SEC24B: variants seen among roughly 807,000 people sequenced by gnomAD.
SEC24B encodes the protein SEC24 homolog B, COPII component.
SEC24B carries 45 observed loss-of-function variants against 142.8 expected under a neutral mutation model. The observed-to-expected ratio is 0.32, with a 90% CI of 0.25 to 0.40. The LOEUF (loss-of-function observed/expected upper bound fraction) is 0.40, where lower values mean the gene tolerates loss of function less well. Ranked by LOEUF, SEC24B falls within the 10% of genes least tolerant of loss-of-function variation. The pLI, the probability that SEC24B is intolerant of heterozygous loss-of-function variation, is 1.00. For missense variants in SEC24B, 1,409 were observed against 1,526.8 expected, an observed-to-expected ratio of 0.92 and a Z score of 1.29; for synonymous variants, 574 against 568.2, an observed-to-expected ratio of 1.01 and a Z score of -0.15.
chr4:109,498,910 A>G (rs990580083), intron 6 of SEC24B, among the ~76,000 whole-genome samples: 1 of 152,188 alleles, frequency 6.6e-6, no homozygotes, highest in African/African-American at 2.4e-5. Flanking sequence ...TAGGGTGGAA[A>G]AACAGGGAAA....
intron 2 of SEC24B, among the ~76,000 whole-genome samples, chr4:109,471,665 C>T (rs949390984): frequency 2.0e-5 from 3 of 151,912 alleles, no homozygotes; most frequent in East Asian, 1.9e-4. Flanking sequence ...TGGAGGTTTG[C>T]GGGACTAGAA....
chr4:109,473,020 C>G lies in SEC24B; in HGVS notation c.894C>G (p.Ser298=). ...TCTCTTCAGTTGCAGATTCTTTATC[C>G]TGTCCTGTTATGCAAAATGTTCAGC... ...NPTITVADSL[S]CPVMQNVQPP... Residue 298 remains serine (S), a synonymous_variant, in exon 3 of 24, where the codon TCC becomes TCG. Coordinates refer to ENST00000265175, the MANE Select transcript of SEC24B (RefSeq NM_006323.5). The G allele has an allele frequency of 6.4e-7, 1 of 1,556,100 alleles. No homozygotes were observed. The highest frequency in any genetic ancestry group is 8.7e-7 in the Non-Finnish European group (1 of 1,154,216).
intron 6 of SEC24B, among the ~76,000 whole-genome samples, chr4:109,506,071 G>A (rs1436740381): frequency 1.3e-5 from 2 of 152,078 alleles, no homozygotes; most frequent in African/African-American, 4.8e-5. Context: ...TGTATTCAGG[G>A]AAACCAAATT....
At chr4:109,515,977 G>A (rs1311876314) in intron 10 of SEC24B, among the ~76,000 whole-genome samples, 1 of 151,920 alleles carries the variant, frequency 6.6e-6, no homozygotes, top group African/African-American at 2.4e-5. Context: ...GAACCTGGGA[G>A]GCAGAGATTG....
At chr4:109,470,306 G>A (rs537407961) in intron 2 of SEC24B, among the ~76,000 whole-genome samples, 3 of 152,304 alleles carry the variant, frequency 2.0e-5, no homozygotes, top group African/African-American at 7.2e-5. Context: ...TAAAATGTAG[G>A]TTCTAATTCA....
intron 11 of SEC24B, among the ~76,000 whole-genome samples, chr4:109,517,899 G>A (rs1049419116): frequency 3.3e-5 from 5 of 152,072 alleles, no homozygotes; most frequent in African/African-American, 1.2e-4. Context: ...CTGATTTTGT[G>A]CTAAATATGT....
At chr4:109,445,248 T>A (rs966897096) in intron 1 of SEC24B, among the ~76,000 whole-genome samples, 3 of 144,394 alleles carry the variant, frequency 2.1e-5, no homozygotes, top group African/African-American at 7.8e-5. Context: ...CTTTGTTTTT[T>A]TTTTTTTTTT....
chr4:109,526,317 G>A lies in SEC24B; in HGVS notation c.2883G>A (p.Ala961=), dbSNP rs371301673. The part of the protein sequence containing the change: ...LANINPDAGF[A]VQLSIEESLT... ...ACATCAATCCTGATGCTGGATTTGC[G>A]GTGCAGTTGTCAATTGAAGAAAGTT... Residue 961 remains alanine, a synonymous_variant, in exon 17 of 24, where the codon GCG becomes GCA. Coordinates refer to ENST00000265175, the MANE Select transcript of SEC24B (RefSeq NM_006323.5). The A allele has an allele frequency of 2.1e-5, 34 of 1,613,710 alleles. No homozygotes were observed. The South Asian group carries it at 3.5e-4, about 17-fold the overall frequency.
chr4:109,452,298 A>G (rs1341800071), intron 1 of SEC24B, among the ~76,000 whole-genome samples: 2 of 152,120 alleles, frequency 1.3e-5, no homozygotes, highest in Non-Finnish European at 2.9e-5. Flanking sequence ...GTATGTGTAT[A>G]CCATGATTAT....
chr4:109,452,872 TTTTTA>T (rs888959448), intron 1 of SEC24B, among the ~76,000 whole-genome samples: 6 of 152,254 alleles, frequency 3.9e-5, no homozygotes, highest in South Asian at 4.1e-4. Context: ...CTGTGTCTTA[TTTTTA>T]TTTTATTTTA....
At chr4:109,460,985 A>G (rs1731199823) in intron 1 of SEC24B, among the ~76,000 whole-genome samples, 1 of 152,130 alleles carries the variant, frequency 6.6e-6, no homozygotes, top group Non-Finnish European at 1.5e-5. Context: ...TACATAATCA[A>G]GAAACTATAG....
intron 4 of SEC24B, among the ~76,000 whole-genome samples, chr4:109,485,109 T>C (rs1469393402): frequency 6.6e-6 from 1 of 152,186 alleles, no homozygotes; most frequent in East Asian, 1.9e-4. Flanking sequence ...ATAATGATAG[T>C]AACAATTACA....
intron 3 of SEC24B, 41 bp downstream of exon 3, chr4:109,473,227 C>T: frequency 1.5e-6 from 2 of 1,294,524 alleles, no homozygotes; most frequent in Non-Finnish European, 2.1e-6. Context: ...CACAGACACA[C>T]ATACGTATTT....
chr4:109,491,160 G>A (rs1734980381), intron 4 of SEC24B, among the ~76,000 whole-genome samples, 167 bp from the exon 5 acceptor site: 1 of 152,054 alleles, frequency 6.6e-6, no homozygotes, highest in Admixed American at 6.6e-5. Flanking sequence ...ATTCTTAACA[G>A]AAATTCATTG....
At chr4:109,494,495 T>C (rs1735330685) in intron 5 of SEC24B, 120 bp from the exon 6 acceptor site, 1 of 1,309,724 alleles carries the variant, frequency 7.6e-7, no homozygotes, top group Admixed American at 2.2e-5. Context: ...CAAAATTTCT[T>C]AGAATAAAAA....
chr4:109,481,904 G>C (rs1372283956), intron 4 of SEC24B, 123 bp downstream of exon 4: 1 of 656,768 alleles, frequency 1.5e-6, no homozygotes, highest in Admixed American at 2.7e-5. Context: ...AACTTACGAG[G>C]TTTGCATTAT....
intron 1 of SEC24B, among the ~76,000 whole-genome samples, chr4:109,439,589 G>A (rs1377889375): frequency 5.3e-5 from 7 of 132,782 alleles, no homozygotes; most frequent in South Asian, 2.7e-4. Context: ...TGCAACCTCC[G>A]CCTCCCGGGT....
At chr4:109,496,396 T>C (rs1034252531) in intron 6 of SEC24B, among the ~76,000 whole-genome samples, 1 of 152,210 alleles carries the variant, frequency 6.6e-6, no homozygotes, top group Non-Finnish European at 1.5e-5. Context: ...ATTACAGGTG[T>C]GAGCCACTGC....
intron 6 of SEC24B, among the ~76,000 whole-genome samples, chr4:109,500,024 T>C (rs1735944097): frequency 1.3e-5 from 2 of 152,190 alleles, no homozygotes; most frequent in Non-Finnish European, 2.9e-5. Flanking sequence ...ACAGTGATAT[T>C]GATCCTGATC....
Sources: allele counts gnomAD v4.1 joint callset (sites outside exome capture counted in the v4.1 genomes callset), GRCh38; gene constraint gnomAD v4.1.1; transcripts MANE v1.5; gene names NCBI Gene and HGNC (gene_info 2026-07-23, HGNC 2026-07-21).